PAH: variants seen among roughly 807,000 people sequenced by gnomAD.
The protein encoded by PAH is phenylalanine-4-hydroxylase.
In PAH, 64 loss-of-function variants were observed where a neutral mutation model predicts 62.0. The observed-to-expected ratio is 1.03, with a 90% confidence interval of 0.84 to 1.27. The LOEUF (loss-of-function observed/expected upper bound fraction) is 1.27, where lower values mean the gene tolerates loss of function less well. PAH is among the 50% of genes most tolerant of loss of function. The pLI, the probability that PAH is intolerant of heterozygous loss-of-function variation, is 0.00. For synonymous variants in PAH, 195 were observed against 196.2 expected (o/e 0.99, Z 0.05); for missense variants, 579 against 542.8 (o/e 1.07, Z -0.66).
chr12:102,950,756 C>T (rs1166058664), exon 1 of PAH: 3 of 152,232 alleles, frequency 2.0e-5, no homozygotes, highest in African/African-American at 7.2e-5. Flanking sequence ...CTCAGAGGTT[C>T]CTGACCCTGA....
chr12:102,945,090 G>A (rs1207563705), intron 1 of PAH: 1 of 152,246 alleles, frequency 6.6e-6, no homozygotes, highest in Non-Finnish European at 1.5e-5. Flanking sequence ...AGAGACTCTT[G>A]TTTTTAATCC....
upstream of PAH, among the ~76,000 whole-genome samples, chr12:102,951,842 C>A (rs1879771953): frequency 6.6e-6 from 1 of 151,258 alleles, no homozygotes; most frequent in Non-Finnish European, 1.5e-5. Context: ...TGCGTTGTGC[C>A]AACTATTTTA....
intron 2 of PAH, 99 bp from the exon 3 acceptor site, chr12:102,895,017 A>C: frequency 1.1e-6 from 1 of 881,104 alleles, no homozygotes; most frequent in East Asian, 2.5e-5. Flanking sequence ...AACAAAATGG[A>C]GAGTTCAAGA....
chr12:102,839,246 G>T (rs765528751), intron 12 of PAH, 28 bp from the exon 13 acceptor site: 5 of 1,611,320 alleles, frequency 3.1e-6, no homozygotes, highest in Non-Finnish European at 3.4e-6. Flanking sequence ...ATCAAAATGG[G>T]CCACTTGTAT....
chr12:102,859,662 G>A (rs1050561204), intron 5 of PAH, among the ~76,000 whole-genome samples: 1 of 152,178 alleles, frequency 6.6e-6, no homozygotes, highest in Admixed American at 6.5e-5. Flanking sequence ...TGCAAGGCTG[G>A]TTCAACATAC....
Position 102,838,852 on chromosome 12 carries a change from T to C in PAH, c.*323A>G, listed in dbSNP as rs1207408896. On this transcript the variant is annotated 3_prime_UTR_variant, in exon 13 of 13. Transcript: ENST00000553106. ...TTATGAGTTCTCTGCAAAGCATATA[T>C]GAAGCTTGAATGAAGCAGGTCCCAA... 6.4e-5 allele frequency: 25 copies of C among 393,434 alleles called. 1 individual carries two copies. In the South Asian group the frequency reaches 6.6e-4, roughly 10 times the overall value. 24.4% of individuals were successfully genotyped at this position (393,434 alleles called of 1,614,324 possible). A position where few individuals can be genotyped will look rare whatever the true frequency, so the allele number is the denominator to read the frequency against.
intron 7 of PAH, 112 bp downstream of exon 7, chr12:102,852,703 T>C: frequency 7.5e-7 from 1 of 1,331,794 alleles, no homozygotes; most frequent in Admixed American, 1.7e-5. Context: ...GCAAACAGTC[T>C]AGACAACTAG....
At chr12:102,873,132 A>G (rs1483386721) in intron 4 of PAH, among the ~76,000 whole-genome samples, 2 of 152,134 alleles carry the variant, frequency 1.3e-5, no homozygotes, top group Non-Finnish European at 2.9e-5. Flanking sequence ...GTAGCTCTGG[A>G]GTTGGGGGTC....
At chr12:102,846,094 T>C (rs1874830314) in intron 9 of PAH, among the ~76,000 whole-genome samples, 2 of 152,194 alleles carry the variant, frequency 1.3e-5, no homozygotes, top group African/African-American at 2.4e-5. Context: ...TTTAGTTGCC[T>C]TTGAGATGGG....
intron 1 of PAH, chr12:102,914,600 T>C (rs917658779): frequency 9.8e-5 from 15 of 152,320 alleles, no homozygotes; most frequent in African/African-American, 3.6e-4. Context: ...AGTCTCTGAC[T>C]TAAGTCTTCT....
intron 2 of PAH, among the ~76,000 whole-genome samples, chr12:102,910,258 A>C (rs924574028): frequency 3.3e-5 from 5 of 152,184 alleles, no homozygotes; most frequent in Admixed American, 3.3e-4. Context: ...TAATTCAGGG[A>C]AAGCTTGATA....
chr12:102,853,073 A>G (rs1290170870), intron 6 of PAH, 123 bp from the exon 7 acceptor site: 3 of 1,073,448 alleles, frequency 2.8e-6, no homozygotes, highest in Non-Finnish European at 4.2e-6. Flanking sequence ...GACGCTAGGC[A>G]GACTTGGCTT....
At chr12:102,871,968 A>G (rs1257047868) in intron 4 of PAH, among the ~76,000 whole-genome samples, 2 of 141,066 alleles carry the variant, frequency 1.4e-5, no homozygotes, top group East Asian at 4.0e-4. Flanking sequence ...ATATATATAT[A>G]TATATATATA....
intron 1 of PAH, among the ~76,000 whole-genome samples, chr12:102,941,714 C>T (rs151095518): frequency 1.3e-5 from 2 of 152,168 alleles, no homozygotes; most frequent in East Asian, 1.9e-4. Context: ...AGGAAACTAT[C>T]GCAAAGCAAA....
At chr12:102,858,296 C>T (rs545120208) in intron 5 of PAH, among the ~76,000 whole-genome samples, 14 of 152,278 alleles carry the variant, frequency 9.2e-5, no homozygotes, top group African/African-American at 3.4e-4. Flanking sequence ...TGTATATGCA[C>T]CCAATACAGG....
chr12:102,850,463 G>A (rs1875095025), intron 8 of PAH, among the ~76,000 whole-genome samples: 1 of 152,148 alleles, frequency 6.6e-6, no homozygotes, highest in Non-Finnish European at 1.5e-5. Context: ...GAGGGAAAAT[G>A]CCCATTAAAT....
intron 11 of PAH, among the ~76,000 whole-genome samples, chr12:102,841,808 G>A (rs1348976176): frequency 6.6e-6 from 1 of 152,174 alleles, no homozygotes; most frequent in African/African-American, 2.4e-5. Flanking sequence ...CCTACTAGGT[G>A]TGTATCAGTC....
At chr12:102,925,916 T>C (rs1007531949) in intron 1 of PAH, among the ~76,000 whole-genome samples, 2 of 152,150 alleles carry the variant, frequency 1.3e-5, no homozygotes, top group Non-Finnish European at 2.9e-5. Flanking sequence ...ATATATAATA[T>C]ACATTATATG....
chr12:102,920,568 A>C (rs150339675), upstream of PAH, among the ~76,000 whole-genome samples: 62 of 152,324 alleles, frequency 4.1e-4, no homozygotes, highest in East Asian at 0.011. Flanking sequence ...AGTTCATGGC[A>C]CAGAAACAAA....
Sources: allele counts gnomAD v4.1 joint callset (sites outside exome capture counted in the v4.1 genomes callset), GRCh38; gene constraint gnomAD v4.1.1; transcripts MANE v1.5; gene names NCBI Gene and HGNC (gene_info 2026-07-23, HGNC 2026-07-21).